Variants in PPP2R2A observed in about 807,000 individuals in gnomAD.
PPP2R2A encodes serine/threonine-protein phosphatase 2A 55 kDa regulatory subunit B alpha isoform.
A neutral mutation model predicts 53.2 loss-of-function variants in PPP2R2A; 9 were observed. The observed-to-expected ratio is 0.17, with a 90% CI of 0.10 to 0.30. PPP2R2A has a LOEUF of 0.30. PPP2R2A is among the 10% of genes least tolerant of loss of function. The pLI is 1.00. For synonymous variants in PPP2R2A, 169 were observed against 174.2 expected (o/e 0.97, Z 0.23); for missense variants, 235 against 534.6 (o/e 0.44, Z 5.53).
chr8:26,361,145 A>G lies in PPP2R2A; in HGVS notation c.631A>G (p.Ser211Gly), dbSNP rs1346097555. 6.3e-7 allele frequency: 1 copy of G among 1,590,356 alleles called. No individual in the cohort carries two copies. Among genetic ancestry groups the G allele is most frequent in the African/African-American group, 1.4e-5 (1 of 73,488 alleles). ...NLWHLEITDR[S>G]FNIVDIKPAN... ...TTGGCATCTGGAAATTACAGACAGG[A>G]GTTTTAGTATCCATTTGGTTTTCTT... Residue 211 changes from serine to glycine, a missense_variant, in exon 6 of 10, where the codon AGT becomes GGT. By Grantham distance (56) the Ser-to-Gly change is moderately conservative. Around this residue, in one of 3 missense-constraint regions of PPP2R2A, gnomAD observed 181 missense variants for 409.9 expected, o/e 0.44. Transcript: ENST00000380737.
chr8:26,301,438 TC>T (rs1321663800), intron 2 of PPP2R2A, among the ~76,000 whole-genome samples: 2 of 151,446 alleles, frequency 1.3e-5, no homozygotes, highest in Non-Finnish European at 2.9e-5. Context: ...GCTCAAGCGA[TC>T]CTCCTGCCCC....
At chr8:26,293,775 A>G (rs771935344) in intron 2 of PPP2R2A, 35 bp downstream of exon 2, 1 of 1,593,652 alleles carries the variant, frequency 6.3e-7, no homozygotes, top group Admixed American at 1.7e-5. Context: ...TTGGATATAT[A>G]ATTTTTGCAG....
chr8:26,343,019 A>C (rs1158006619), intron 3 of PPP2R2A, among the ~76,000 whole-genome samples: 1 of 151,994 alleles, frequency 6.6e-6, no homozygotes, highest in Non-Finnish European at 1.5e-5. Context: ...ATCTAATAAA[A>C]ATACAAAAAT....
chr8:26,303,765 G>A (rs758921643), intron 2 of PPP2R2A, among the ~76,000 whole-genome samples: 10 of 151,972 alleles, frequency 6.6e-5, no homozygotes, highest in African/African-American at 1.2e-4. Flanking sequence ...AAAAAACTCC[G>A]CTAATTTTTA....
At position 26,307,176 on chromosome 8, in the gene PPP2R2A, G is replaced by T. The variant is rs79727845; in HGVS notation, c.82+13436G>T. On this transcript the variant is annotated intron_variant, in intron 2 of 9. Coordinates refer to ENST00000380737, the MANE Select transcript of PPP2R2A (RefSeq NM_002717.4). ...TTTCTATATGGAGAGTTGCTGAGAA[G>T]GTTGTACACATTTGGAATTTACATC... 5.8e-4 allele frequency among the ~76,000 whole-genome samples: 89 copies of T among 152,250 alleles called. 3 individuals are homozygous for T. The East Asian group carries it at 0.016, about 28-fold the overall frequency.
Position 26,342,675 on chromosome 8 carries a change from A to AAACAAAAATC in PPP2R2A, c.180+3688_180+3689insAACAAAAATC, listed in dbSNP as rs1387007293. 2.2e-4 allele frequency among the ~76,000 whole-genome samples: 33 copies of AAACAAAAATC among 152,134 alleles called. 1 individual carries two copies. The South Asian group carries it at 6.6e-3, about 31-fold the overall frequency. ...CTTTTTATAATTTTTCTAGGTTGGTATGGGGCCTTTGATTTTTGTTTTCTA... is the reference window on the plus strand; with the variant it reads ...CTTTTTATAATTTTTCTAGGTTGGTAAACAAAAATCTGGGGCCTTTGATTTTTGTTTTCTA... On this transcript the variant is annotated intron_variant, in intron 3 of 9. Coordinates refer to ENST00000380737, the MANE Select transcript of PPP2R2A (RefSeq NM_002717.4).
intron 2 of PPP2R2A, among the ~76,000 whole-genome samples, chr8:26,320,385 G>A (rs1310602197): frequency 6.6e-6 from 1 of 152,180 alleles, no homozygotes; most frequent in Non-Finnish European, 1.5e-5. Flanking sequence ...ATTCTCAGGA[G>A]ATAGAGTGAA....
chr8:26,367,908 C>T (rs1312961265), intron 9 of PPP2R2A, among the ~76,000 whole-genome samples: 2 of 152,168 alleles, frequency 1.3e-5, no homozygotes, highest in Non-Finnish European at 2.9e-5. Flanking sequence ...TGTTAGTCTC[C>T]TTTATTCTGA....
At chr8:26,359,836 A>G (rs558508423) in intron 4 of PPP2R2A, among the ~76,000 whole-genome samples, 31 of 152,252 alleles carry the variant, frequency 2.0e-4, no homozygotes, top group South Asian at 4.1e-4. Flanking sequence ...GTTTACATGT[A>G]GGTACAGACA....
chr8:26,368,964 C>T (rs565399760), intron 9 of PPP2R2A, among the ~76,000 whole-genome samples: 13 of 151,796 alleles, frequency 8.6e-5, no homozygotes, highest in South Asian at 8.3e-4. Context: ...AAAAACTAGC[C>T]GGGCGTGGTG....
At chr8:26,311,620 GATC>G (rs1055235309) in intron 2 of PPP2R2A, among the ~76,000 whole-genome samples, 2 of 152,282 alleles carry the variant, frequency 1.3e-5, no homozygotes, top group African/African-American at 4.8e-5. Flanking sequence ...TGTGCACAGT[GATC>G]ATGCCTGTGA....
At chr8:26,292,434 C>T in intron 1 of PPP2R2A, 1 of 985,386 alleles carries the variant, frequency 1.0e-6, no homozygotes, top group Non-Finnish European at 1.2e-6. Flanking sequence ...GAGTGCAAGG[C>T]CTTTCATGTA....
At chr8:26,299,650 G>T (rs1801693262) in intron 2 of PPP2R2A, among the ~76,000 whole-genome samples, 1 of 151,346 alleles carries the variant, frequency 6.6e-6, no homozygotes, top group Non-Finnish European at 1.5e-5. Context: ...CAATTTAATG[G>T]TTTTAGTCCA....
At chr8:26,356,162 C>T (rs540971713) in intron 4 of PPP2R2A, among the ~76,000 whole-genome samples, 10 of 152,188 alleles carry the variant, frequency 6.6e-5, no homozygotes, top group Non-Finnish European at 8.8e-5. Flanking sequence ...CAAATTCTAA[C>T]ACCTAGACCA....
At chr8:26,309,246 C>G (rs1420482482) in intron 2 of PPP2R2A, among the ~76,000 whole-genome samples, 2 of 152,200 alleles carry the variant, frequency 1.3e-5, no homozygotes, top group Non-Finnish European at 2.9e-5. Context: ...ATTGTGTTAG[C>G]AGGCATGTAA....
intron 2 of PPP2R2A, among the ~76,000 whole-genome samples, chr8:26,322,361 C>CTG (rs1322873626): frequency 6.6e-6 from 1 of 152,188 alleles, no homozygotes. Flanking sequence ...TGCTCAGTAG[C>CTG]TGTGTGTGAC....
At chr8:26,314,132 G>GT (rs771436020) in intron 2 of PPP2R2A, among the ~76,000 whole-genome samples, 7 of 152,156 alleles carry the variant, frequency 4.6e-5, no homozygotes, top group Non-Finnish European at 7.3e-5. Flanking sequence ...AGAAGAATCA[G>GT]TTTATGTTCT....
chr8:26,301,937 A>G (rs899583660), intron 2 of PPP2R2A, among the ~76,000 whole-genome samples: 2 of 152,252 alleles, frequency 1.3e-5, no homozygotes, highest in African/African-American at 2.4e-5. Flanking sequence ...TTAAAAAACC[A>G]TCAGTTTTAA....
chr8:26,349,818 G>C (rs1378719307), intron 3 of PPP2R2A, among the ~76,000 whole-genome samples: 1 of 152,100 alleles, frequency 6.6e-6, no homozygotes, highest in Non-Finnish European at 1.5e-5. Flanking sequence ...TATCCATTAT[G>C]AGTAATGTTG....
Sources: gnomAD v4.1 joint callset for allele counts (sites outside exome capture counted in the v4.1 genomes callset) on GRCh38, gnomAD v4.1.1 for gene constraint, gnomAD v4.1.1 regional missense constraint, MANE v1.5 for transcripts, NCBI Gene and HGNC (gene_info 2026-07-23, HGNC 2026-07-21) for gene names.